WHAMM: variants seen among roughly 807,000 people sequenced by gnomAD.
WHAMM encodes WASP homolog associated with actin, golgi membranes and microtubules, also known as WASP homolog-associated protein with actin, membranes and microtubules.
WHAMM carries 67 observed loss-of-function variants against 76.5 expected under a neutral mutation model. That is an observed-to-expected ratio of 0.88 (90% CI 0.72 to 1.07). The LOEUF is 1.07. WHAMM is among the 50% of genes least tolerant of loss of function. The pLI is 0.00. For missense variants in WHAMM, 1,021 were observed against 1,051.1 expected, an observed-to-expected ratio of 0.97 and a Z score of 0.40; for synonymous variants, 419 against 422.1, an observed-to-expected ratio of 0.99 and a Z score of 0.09.
In WHAMM at chr15:82,809,892, C is replaced by T. The variant is rs2050595181; in HGVS notation, c.166C>T (p.Arg56Cys). ...CCGTACCGCGCAGCAGCGGCGGCTG[C>T]GCGAGGGGGCCCGGTTGGGGCCCGA... ...HDRTAQQRRL[R>C]EGARLGPEPE... The change falls in exon 1 of 10, where the codon CGC becomes TGC. Residue 56 changes from arginine (R) to cysteine (C), a missense_variant. Physicochemically the swap from Arg to Cys is radical, Grantham distance 180. Around this residue, in one of 3 missense-constraint regions of WHAMM, gnomAD observed 501 missense variants for 524.9 expected, o/e 0.95. Coordinates refer to ENST00000286760, the MANE Select transcript of WHAMM (RefSeq NM_001080435.3). 1.9e-6 allele frequency: 3 copies of T among 1,549,870 alleles called. No individual in the cohort carries two copies. Among genetic ancestry groups the T allele is most frequent in the East Asian group, 5.0e-5 (2 of 39,870 alleles).
intron 9 of WHAMM, among the ~76,000 whole-genome samples, chr15:82,831,323 A>G (rs2051030091): frequency 6.6e-6 from 1 of 152,220 alleles, no homozygotes; most frequent in Non-Finnish European, 1.5e-5. Context: ...ACATTTAATG[A>G]TCGCATGACT....
chr15:82,833,629 A>C lies in WHAMM; in HGVS notation c.*93A>C. On this transcript the variant is annotated 3_prime_UTR_variant, in exon 10 of 10. Coordinates refer to ENST00000286760, the MANE Select transcript of WHAMM (RefSeq NM_001080435.3). Reference sequence around the variant, plus strand: ...AAAAGCATACTAACAGGGTGCTGATAGATGGGCCACATAACACCCCGGAAG... The same window carrying C: ...AAAAGCATACTAACAGGGTGCTGATCGATGGGCCACATAACACCCCGGAAG... 1 of 1,355,042 alleles carries C rather than the reference A, an allele frequency of 7.4e-7. No individual in the cohort carries two copies. 83.9% of individuals were successfully genotyped at this position (1,355,042 alleles called of 1,614,324 possible).
At chr15:82,829,687 T>C (rs2151572506) in intron 8 of WHAMM, among the ~76,000 whole-genome samples, 1 of 152,056 alleles carries the variant, frequency 6.6e-6, no homozygotes, top group African/African-American at 2.4e-5. Flanking sequence ...CTTGAGTTTA[T>C]CATGGATTGC....
rs71156055 is a variant in WHAMM at position 82,824,162 on chromosome 15, C to CTTTTTTTTTTTTT, written c.1458+876_1458+888dup. Among the ~76,000 whole-genome samples, 106 of 118,022 alleles carry CTTTTTTTTTTTTT rather than the reference C, an allele frequency of 9.0e-4. 11 individuals are homozygous for CTTTTTTTTTTTTT. The highest frequency in any genetic ancestry group is 2.3e-3 in the South Asian group (8 of 3,430). 77.4% of individuals were successfully genotyped at this position (118,022 alleles called of 152,430 possible). A position where few individuals can be genotyped will look rare whatever the true frequency, so the allele number is the denominator to read the frequency against. ...TACTCATATTTACTATACTTTTCTC[C>CTTTTTTTTTTTTT]TTTTTTTTTTTTTGAAACAGAGTCT... is the stretch of plus-strand genomic sequence containing the variant. On this transcript the variant is annotated intron_variant, in intron 6 of 9. Transcript: ENST00000286760.
intron 2 of WHAMM, among the ~76,000 whole-genome samples, chr15:82,815,580 A>G (rs1001561296): frequency 6.6e-6 from 1 of 152,190 alleles, no homozygotes; most frequent in Non-Finnish European, 1.5e-5. Context: ...TGTATGTACT[A>G]AGGAGTAGGA....
intron 3 of WHAMM, among the ~76,000 whole-genome samples, chr15:82,817,460 G>C (rs1245455972): frequency 6.6e-6 from 1 of 152,160 alleles, no homozygotes; most frequent in African/African-American, 2.4e-5. Flanking sequence ...ACGTCTGTCA[G>C]TTTGTTAAGT....
chr15:82,832,967 A>G (rs1251953941), intron 9 of WHAMM, among the ~76,000 whole-genome samples: 3 of 152,194 alleles, frequency 2.0e-5, no homozygotes, highest in African/African-American at 7.2e-5. Context: ...ACAAAAGTGC[A>G]TGTCTGTTCC....
rs780701220 is a variant in WHAMM, at chr15:82,816,734, G to T, written c.826G>T (p.Ala276Ser). 4 of 1,557,920 alleles carry T rather than the reference G, an allele frequency of 2.6e-6. No homozygotes were observed. The highest frequency in any genetic ancestry group is 2.4e-5 in the East Asian group (1 of 42,012). ...EDDLGPRRVVALEKEAEEWTR... is the reference protein window; with the variant it reads ...EDDLGPRRVVSLEKEAEEWTR... ...TGACCTAGGTCCTAGAAGGGTAGTT[G>T]CCCTGGAGAAAGAAGCTGAAGAATG... The change falls in exon 3 of 10, where the codon GCC becomes TCC. Residue 276 changes from alanine (A) to serine (S), a missense_variant. This residue lies in a region of WHAMM where 501 missense variants were observed against 524.9 expected (regional missense o/e 0.95). Coordinates refer to ENST00000286760, the MANE Select transcript of WHAMM (RefSeq NM_001080435.3).
chr15:82,819,976 C>T (rs138902149), intron 5 of WHAMM, among the ~76,000 whole-genome samples: 1,570 of 151,328 alleles, frequency 0.01, 17 homozygotes, highest in African/African-American at 0.035. Flanking sequence ...GAGCCAAGAT[C>T]GTGCCACTCC....
At position 82,823,459 on chromosome 15, in the gene WHAMM, T is replaced by C. The variant is rs75747665; in HGVS notation, c.1458+172T>C. 9.9e-3 allele frequency among the ~76,000 whole-genome samples: 1,505 copies of C among 152,336 alleles called. 17 individuals are homozygous for C. Among genetic ancestry groups the C allele is most frequent in the African/African-American group, 0.033 (1,383 of 41,572 alleles). ...TGCTTTTAAATATTTTTCTTAAAAA[T>C]ATTTTTTTTCTTTTGGGATTTAAGC... On this transcript the variant is annotated intron_variant, in intron 6 of 9. Coordinates refer to ENST00000286760, the MANE Select transcript of WHAMM (RefSeq NM_001080435.3).
intron 1 of WHAMM, among the ~76,000 whole-genome samples, chr15:82,811,880 G>A (rs182287742): frequency 5.9e-5 from 9 of 151,726 alleles, no homozygotes; most frequent in African/African-American, 1.9e-4. Flanking sequence ...ATTATTACCT[G>A]GATAAAAAAC....
chr15:82,814,764 T>TCC (rs2050690132), intron 2 of WHAMM, among the ~76,000 whole-genome samples: 1 of 136,494 alleles, frequency 7.3e-6, no homozygotes, highest in Admixed American at 7.5e-5. Flanking sequence ...TATTTTTCCT[T>TCC]TCTTTTTTTT....
chr15:82,815,155 A>ATATATATATATATATATATAAT (rs55807384), intron 2 of WHAMM, among the ~76,000 whole-genome samples: 18 of 46,134 alleles, frequency 3.9e-4, no homozygotes, highest in Admixed American at 8.2e-4. Context: ...ATATATATAT[A>ATATATATATATATATATATAAT]GTACAATTCA....
At chr15:82,827,150 C>G (rs1231547951) in intron 8 of WHAMM, among the ~76,000 whole-genome samples, 8 of 152,154 alleles carry the variant, frequency 5.3e-5, no homozygotes, top group Non-Finnish European at 1.0e-4. Context: ...AAACTGAAAA[C>G]TGTTCAACTC....
In WHAMM at chr15:82,810,218, A is replaced by T; in HGVS notation, c.492A>T (p.Thr164=). 1.4e-6 allele frequency: 2 copies of T among 1,412,788 alleles called. No individual in the cohort carries two copies. Among genetic ancestry groups the T allele is most frequent in the East Asian group, 6.4e-5 (2 of 31,096 alleles). The allele number at this position is 1,412,788 out of a possible 1,614,324, so 87.5% of individuals were successfully genotyped here. A position where few individuals can be genotyped will look rare whatever the true frequency, so the allele number is the denominator to read the frequency against. Residue 164 remains threonine, a synonymous_variant, in exon 1 of 10, where the codon ACA becomes ACT. Transcript: ENST00000286760. ...CGGCCGACGGCTGCGGCGGCGCCAC[A>T]GTGCGCGACGCACTCTTCCCGGCTG... ...GAAADGCGGA[T]VRDALFPAEG... is the part of the protein sequence containing the mutation.
In WHAMM at chr15:82,818,040, G is replaced by A. The variant is rs1277130551; in HGVS notation, c.1055G>A (p.Arg352Lys). 9 of 1,551,576 alleles carry A rather than the reference G, an allele frequency of 5.8e-6. No individual in the cohort carries two copies. Among genetic ancestry groups the A allele is most frequent in the South Asian group, 2.4e-5 (2 of 83,958 alleles). The part of the protein sequence containing the change: ...MLARETLQLM[R>K]AKELCLNHKR... ...GCTCGAGAGACTCTGCAACTCATGA[G>A]AGCGAAAGAGTTGTGTTTAAATCAC... The change falls in exon 4 of 10, where the codon AGA becomes AAA. Residue 352 changes from arginine (R) to lysine (K), a missense_variant. Coordinates refer to ENST00000286760, the MANE Select transcript of WHAMM (RefSeq NM_001080435.3).
In WHAMM at chr15:82,826,751, A is replaced by C; in HGVS notation, c.1546A>C (p.Lys516Gln). ...CAAATATACATTTGTTTAAATATAG[A>C]AAAGAGACAAGATAAAAGAAGAGGA... The part of the protein sequence containing the change: ...YSRQHHSIQM[K>Q]RDKIKEEEQK... Residue 516 changes from lysine (K) to glutamine (Q), a missense_variant and splice_region_variant, in exon 8 of 10, where the codon AAA (lysine) becomes CAA (glutamine). Coordinates refer to ENST00000286760, the MANE Select transcript of WHAMM (RefSeq NM_001080435.3). 1 of 1,541,252 alleles carries C rather than the reference A, an allele frequency of 6.5e-7. No individual in the cohort carries two copies. The highest frequency in any genetic ancestry group is 8.7e-7 in the Non-Finnish European group (1 of 1,144,676).
At chr15:82,821,269 T>G (rs1177231067) in intron 5 of WHAMM, among the ~76,000 whole-genome samples, 5 of 152,220 alleles carry the variant, frequency 3.3e-5, no homozygotes. Context: ...GTTTATCAAT[T>G]TTTTTCCCCA....
chr15:82,826,664 C>A, intron 7 of WHAMM, 87 bp from the exon 8 acceptor site: 1 of 1,532,362 alleles, frequency 6.5e-7, no homozygotes, highest in East Asian at 2.4e-5. Flanking sequence ...GGTACAGCCT[C>A]TTTCTTTGCT....
Sources: gnomAD v4.1 joint callset for allele counts (sites outside exome capture counted in the v4.1 genomes callset) on GRCh38, gnomAD v4.1.1 for gene constraint, gnomAD v4.1.1 regional missense constraint, MANE v1.5 for transcripts, NCBI Gene and HGNC (gene_info 2026-07-23, HGNC 2026-07-21) for gene names.